Variants in PCCA observed in about 807,000 individuals in gnomAD.
PCCA encodes propionyl-CoA carboxylase alpha chain, mitochondrial.
Under a neutral mutation model 101.3 loss-of-function variants are expected in PCCA, and 74 were observed. That is an observed-to-expected ratio of 0.73 (90% confidence interval 0.61 to 0.89). The LOEUF is 0.89. Ranked by LOEUF, PCCA falls within the 40% of genes least tolerant of loss-of-function variation. The pLI, the probability that PCCA is intolerant of heterozygous loss-of-function variation, is 0.00. For synonymous variants in PCCA, 294 were observed against 313.6 expected (o/e 0.94, Z 0.66); for missense variants, 891 against 907.0 (o/e 0.98, Z 0.23).
At chr13:100,296,468 T>G (rs546060366) in intron 12 of PCCA, among the ~76,000 whole-genome samples, 1 of 151,792 alleles carries the variant, frequency 6.6e-6, no homozygotes, top group Non-Finnish European at 1.5e-5. Context: ...TCCAGTCTGC[T>G]CTCAAACTCC....
At chr13:100,304,909 T>C (rs1236184381) in intron 14 of PCCA, among the ~76,000 whole-genome samples, 1 of 152,216 alleles carries the variant, frequency 6.6e-6, no homozygotes, top group Admixed American at 6.5e-5. Context: ...AGATTTCCTT[T>C]TTTATTTTTG....
At chr13:100,385,611 T>C (rs928285519) in intron 19 of PCCA, among the ~76,000 whole-genome samples, 1 of 152,178 alleles carries the variant, frequency 6.6e-6, no homozygotes, top group Non-Finnish European at 1.5e-5. Context: ...TAATTCCGTT[T>C]TGTTTTGATT....
intron 18 of PCCA, among the ~76,000 whole-genome samples, chr13:100,365,550 A>T (rs1182512383): frequency 6.6e-6 from 1 of 152,196 alleles, no homozygotes; most frequent in East Asian, 1.9e-4. Flanking sequence ...ACAGCATATG[A>T]CATAGATTAA....
intron 16 of PCCA, among the ~76,000 whole-genome samples, chr13:100,328,343 A>ATAG (rs2068957403): frequency 6.6e-6 from 1 of 150,400 alleles, no homozygotes; most frequent in Admixed American, 6.7e-5. Context: ...GACCTGGGCG[A>ATAG]TAGAGTGAGA....
intron 8 of PCCA, among the ~76,000 whole-genome samples, chr13:100,245,161 G>A (rs1002687873): frequency 6.6e-6 from 1 of 152,102 alleles, no homozygotes; most frequent in Non-Finnish European, 1.5e-5. Context: ...TTTAAAGAGA[G>A]CAATAAAATC....
intron 1 of PCCA, among the ~76,000 whole-genome samples, chr13:100,094,334 A>G (rs937980386): frequency 1.3e-5 from 2 of 152,134 alleles, no homozygotes; most frequent in African/African-American, 4.8e-5. Context: ...TACAAAAAAT[A>G]CTGCTTTTGA....
chr13:100,161,052 G>A (rs2054415945), intron 6 of PCCA: 1 of 152,276 alleles, frequency 6.6e-6, no homozygotes, highest in South Asian at 2.1e-4. Flanking sequence ...GCATAGGAGG[G>A]AACTGTGCTG....
chr13:100,302,114 A>G (rs1004661131), intron 13 of PCCA, among the ~76,000 whole-genome samples: 9 of 152,190 alleles, frequency 5.9e-5, no homozygotes, highest in African/African-American at 2.2e-4. Flanking sequence ...AGCTTTTAGT[A>G]AAACATGTAC....
intron 4 of PCCA, among the ~76,000 whole-genome samples, chr13:100,147,617 C>T (rs1034249193): frequency 3.9e-5 from 6 of 152,186 alleles, no homozygotes; most frequent in African/African-American, 1.4e-4. Flanking sequence ...GTATTTATGA[C>T]TTCATCACTA....
intron 22 of PCCA, among the ~76,000 whole-genome samples, chr13:100,517,175 C>G (rs1412771821): frequency 3.3e-5 from 5 of 151,624 alleles, no homozygotes; most frequent in Admixed American, 2.6e-4. Context: ...ATGAGGGAGA[C>G]CACTCCTGCC....
chr13:100,154,868 C>T, intron 4 of PCCA, 111 bp from the exon 5 acceptor site: 1 of 778,702 alleles, frequency 1.3e-6, no homozygotes, highest in Non-Finnish European at 2.3e-6. Context: ...AGAAATACGA[C>T]TCTATAAATG....
intron 4 of PCCA, among the ~76,000 whole-genome samples, chr13:100,153,231 T>A (rs2053548708): frequency 6.6e-6 from 1 of 152,188 alleles, no homozygotes; most frequent in African/African-American, 2.4e-5. Flanking sequence ...AAAAAAAGAA[T>A]TTAAGGCGTA....
At chr13:100,322,560 CT>C (rs762007376) in intron 16 of PCCA, among the ~76,000 whole-genome samples, 2 of 150,566 alleles carry the variant, frequency 1.3e-5, no homozygotes, top group South Asian at 2.1e-4. Flanking sequence ...TTGCAATTTT[CT>C]TTTTTTTAAT....
intron 12 of PCCA, among the ~76,000 whole-genome samples, chr13:100,299,484 T>G (rs1595192103): frequency 1.3e-5 from 2 of 152,356 alleles, no homozygotes; most frequent in African/African-American, 2.4e-5. Context: ...GTCATCTCTT[T>G]AGTGAGATAA....
At chr13:100,421,560 T>C (rs910294944) in intron 19 of PCCA, among the ~76,000 whole-genome samples, 2 of 152,168 alleles carry the variant, frequency 1.3e-5, no homozygotes, top group Non-Finnish European at 2.9e-5. Context: ...GGGTGTAAAA[T>C]TGGGGGACAA....
At chr13:100,206,322 AG>A (rs1203498441) in intron 6 of PCCA, among the ~76,000 whole-genome samples, 1 of 152,050 alleles carries the variant, frequency 6.6e-6, no homozygotes, top group Non-Finnish European at 1.5e-5. Flanking sequence ...GCTGGAGTGC[AG>A]TGGTGCAATC....
At chr13:100,170,373 T>G (rs2055514095) in intron 6 of PCCA, among the ~76,000 whole-genome samples, 1 of 152,212 alleles carries the variant, frequency 6.6e-6, no homozygotes, top group African/African-American at 2.4e-5. Flanking sequence ...GCCCCCAGAT[T>G]TGTTCTAAAC....
chr13:100,252,929 C>G (rs1052598722), intron 8 of PCCA, among the ~76,000 whole-genome samples: 1 of 152,158 alleles, frequency 6.6e-6, no homozygotes, highest in Non-Finnish European at 1.5e-5. Context: ...TAGGTACTTC[C>G]CTTTCCTGTA....
chr13:100,422,553 T>G (rs1430036427), intron 19 of PCCA, among the ~76,000 whole-genome samples: 1 of 152,240 alleles, frequency 6.6e-6, no homozygotes, highest in Non-Finnish European at 1.5e-5. Flanking sequence ...CATTTGTTCT[T>G]TTTGCTTTGT....
Sources: allele counts gnomAD v4.1 joint callset (sites outside exome capture counted in the v4.1 genomes callset), GRCh38; gene constraint gnomAD v4.1.1; transcripts MANE v1.5; gene names NCBI Gene and HGNC (gene_info 2026-07-23, HGNC 2026-07-21).